The following CSMD1 variants were observed in gnomAD, a reference collection of about 807,000 sequenced individuals.
The protein encoded by CSMD1 is CUB and sushi domain-containing protein 1.
In CSMD1, 213 loss-of-function variants were observed where a neutral mutation model predicts 417.5. The ratio of observed to expected loss-of-function variants is 0.51; its 90% CI spans 0.46 to 0.57. The LOEUF (loss-of-function observed/expected upper bound fraction) is 0.57. Ranked by LOEUF, CSMD1 falls within the 20% of genes least tolerant of loss-of-function variation. The probability of loss-of-function intolerance (pLI) is 0.00; values close to 1 mark genes in which losing one functional copy is unlikely to be tolerated. For missense variants in CSMD1, 6,923 were observed against 4,529.7 expected (o/e 1.53, Z -15.17); for synonymous variants, 2,862 against 1,736.8 (o/e 1.65, Z -16.11).
chr8:4,376,817 C>G (rs908562782), intron 3 of CSMD1, among the ~76,000 whole-genome samples: 2 of 152,210 alleles, frequency 1.3e-5, no homozygotes, highest in Non-Finnish European at 2.9e-5. Flanking sequence ...CTTTCATGTT[C>G]CTCACCCCTG....
At chr8:4,354,133 A>C (rs1214633760) in intron 3 of CSMD1, among the ~76,000 whole-genome samples, 1 of 152,176 alleles carries the variant, frequency 6.6e-6, no homozygotes, top group East Asian at 1.9e-4. Context: ...CCTGAAAGTA[A>C]ATTTTAAAAA....
chr8:3,128,795 G>C (rs985791453), intron 41 of CSMD1: 16 of 429,714 alleles, frequency 3.7e-5, no homozygotes, highest in Non-Finnish European at 6.4e-5. Flanking sequence ...ATGTTGTTTC[G>C]AGTTTTTGTT....
chr8:3,903,859 G>C (rs183814317), intron 5 of CSMD1, among the ~76,000 whole-genome samples: 148 of 151,898 alleles, frequency 9.7e-4, no homozygotes, highest in Non-Finnish European at 1.9e-3. Context: ...GTTTGTTAGG[G>C]AGTCATTGCC....
intron 5 of CSMD1, among the ~76,000 whole-genome samples, chr8:3,874,804 AG>A (rs1236543945): frequency 1.3e-5 from 2 of 152,154 alleles, no homozygotes; most frequent in Non-Finnish European, 2.9e-5. Flanking sequence ...GACATTAAAT[AG>A]GACACACACC....
chr8:4,186,621 G>A (rs1247236849), intron 3 of CSMD1, among the ~76,000 whole-genome samples: 1 of 152,014 alleles, frequency 6.6e-6, no homozygotes, highest in Non-Finnish European at 1.5e-5. Flanking sequence ...AATCTTCCAG[G>A]GGCTAAGAGG....
At chr8:3,499,066 A>T (rs2117330979) in intron 10 of CSMD1, among the ~76,000 whole-genome samples, 1 of 152,256 alleles carries the variant, frequency 6.6e-6, no homozygotes, top group Non-Finnish European at 1.5e-5. Flanking sequence ...TGCTTTTTAG[A>T]CATTTCTTGT....
At chr8:3,311,656 A>C (rs1805356921) in intron 23 of CSMD1, among the ~76,000 whole-genome samples, 1 of 152,234 alleles carries the variant, frequency 6.6e-6, no homozygotes, top group South Asian at 2.1e-4. Context: ...CCCAAAGTAT[A>C]CTTTCTACTG....
chr8:4,425,236 C>G (rs545973094), intron 2 of CSMD1, among the ~76,000 whole-genome samples: 3 of 151,928 alleles, frequency 2.0e-5, no homozygotes, highest in East Asian at 3.9e-4. Flanking sequence ...GAACAAGATA[C>G]TAAGGGATTT....
chr8:3,195,857 G>A (rs925673103), intron 33 of CSMD1, among the ~76,000 whole-genome samples: 5 of 152,144 alleles, frequency 3.3e-5, no homozygotes, highest in Admixed American at 2.6e-4. Flanking sequence ...TGCTAATGCA[G>A]GGAAAAAATG....
chr8:4,933,099 C>A (rs1807353834), intron 1 of CSMD1, among the ~76,000 whole-genome samples: 2 of 151,738 alleles, frequency 1.3e-5, no homozygotes, highest in South Asian at 4.2e-4. Context: ...AGTAATTAAT[C>A]ACCTTACATA....
chr8:4,578,084 G>A (rs1799221463), intron 2 of CSMD1, among the ~76,000 whole-genome samples: 1 of 152,164 alleles, frequency 6.6e-6, no homozygotes, highest in Non-Finnish European at 1.5e-5. Flanking sequence ...GTGCACCCGA[G>A]TTAGCTCAGA....
At chr8:4,963,629 T>C (rs183983312) in intron 1 of CSMD1, among the ~76,000 whole-genome samples, 8 of 152,228 alleles carry the variant, frequency 5.3e-5, no homozygotes, top group African/African-American at 1.9e-4. Context: ...ACTTAGATGA[T>C]CTCAGGTGGA....
intron 25 of CSMD1, among the ~76,000 whole-genome samples, chr8:3,294,897 G>A (rs1173240835): frequency 2.6e-5 from 4 of 151,976 alleles, no homozygotes; most frequent in Non-Finnish European, 5.9e-5. Flanking sequence ...TGGAGAAATC[G>A]CCCGTCTTCT....
intron 3 of CSMD1, among the ~76,000 whole-genome samples, chr8:4,033,641 G>C (rs182910763): frequency 6.6e-6 from 1 of 152,176 alleles, no homozygotes; most frequent in South Asian, 2.1e-4. Context: ...GACCTCCTGA[G>C]GGCTGCGTCA....
chr8:4,055,382 C>T (rs1199472722), intron 3 of CSMD1, among the ~76,000 whole-genome samples: 2 of 151,934 alleles, frequency 1.3e-5, no homozygotes, highest in East Asian at 3.9e-4. Context: ...CACAAACTTA[C>T]TAAGTGATTA....
At chr8:3,252,609 A>C (rs181890157) in intron 26 of CSMD1, among the ~76,000 whole-genome samples, 1 of 151,996 alleles carries the variant, frequency 6.6e-6, no homozygotes, top group Non-Finnish European at 1.5e-5. Context: ...CTCTTTTTCT[A>C]TTGATTGAAT....
chr8:4,947,945 T>C (rs969609852), intron 1 of CSMD1, among the ~76,000 whole-genome samples: 1 of 152,096 alleles, frequency 6.6e-6, no homozygotes, highest in Non-Finnish European at 1.5e-5. Context: ...TGTGCGTTTA[T>C]TCCTATTGTT....
chr8:3,788,265 G>C (rs17067550), intron 5 of CSMD1, among the ~76,000 whole-genome samples: 2,221 of 152,272 alleles, frequency 0.015, 44 homozygotes, highest in South Asian at 0.041. Context: ...CTAAACATCA[G>C]TTTTCTTTCT....
intron 52 of CSMD1, among the ~76,000 whole-genome samples, chr8:3,001,085 T>C (rs1807367662): frequency 6.6e-6 from 1 of 151,968 alleles, no homozygotes; most frequent in African/African-American, 2.4e-5. Flanking sequence ...GCTCAAGTCA[T>C]CTTTTGGCCT....
Sources: gnomAD v4.1 joint callset for allele counts (sites outside exome capture counted in the v4.1 genomes callset) on GRCh38, gnomAD v4.1.1 for gene constraint, MANE v1.5 for transcripts, NCBI Gene and HGNC (gene_info 2026-07-23, HGNC 2026-07-21) for gene names.